The following HUNK variants were observed in gnomAD, a reference collection of about 807,000 sequenced individuals.
HUNK encodes the protein hormonally up-regulated Neu-associated kinase.
In HUNK, 21 loss-of-function variants were observed where a neutral mutation model predicts 61.0. The ratio of observed to expected loss-of-function variants is 0.34; its 90% CI spans 0.24 to 0.50. The LOEUF (loss-of-function observed/expected upper bound fraction) is 0.50, where lower values mean the gene tolerates loss of function less well. Ranked by LOEUF, HUNK falls within the 20% of genes least tolerant of loss-of-function variation. The probability of loss-of-function intolerance (pLI) is 0.98; values close to 1 mark genes in which losing one functional copy is unlikely to be tolerated. For synonymous variants in HUNK, 371 were observed against 386.1 expected (o/e 0.96, Z 0.46); for missense variants, 772 against 945.7 (o/e 0.82, Z 2.41).
rs200770333 is a variant in HUNK at position 31,954,778 on chromosome 21, TTTTTC to T, written c.747-4055_747-4051del. 9.5e-3 allele frequency among the ~76,000 whole-genome samples: 1,442 copies of T among 152,134 alleles called. 26 individuals are homozygous for T. The highest frequency in any genetic ancestry group is 0.03 in the African/African-American group (1,229 of 41,418). ...CATCCAGGAATGTGCGTTTTCTTTC[TTTTTC>T]TTTTCTTTTTTTTTAAGAGTCAGGG... is the stretch of plus-strand genomic sequence containing the variant. On this transcript the variant is annotated intron_variant, in intron 4 of 10. Transcript: ENST00000270112.
intron 1 of HUNK, among the ~76,000 whole-genome samples, chr21:31,911,110 ATTC>A (rs749177744): frequency 5.9e-5 from 9 of 152,184 alleles, no homozygotes; most frequent in Non-Finnish European, 1.0e-4. Context: ...TAGTTAATAG[ATTC>A]TTCTTCTTCC....
intron 8 of HUNK, among the ~76,000 whole-genome samples, chr21:31,985,387 T>G (rs1222771255): frequency 6.6e-6 from 1 of 152,174 alleles, no homozygotes; most frequent in Non-Finnish European, 1.5e-5. Context: ...TGGTGGTTAC[T>G]GGGGCCCACA....
intron 3 of HUNK, among the ~76,000 whole-genome samples, chr21:31,941,835 T>C (rs955292462): frequency 1.3e-5 from 2 of 152,118 alleles, no homozygotes; most frequent in African/African-American, 4.8e-5. Context: ...TTGGAAAATG[T>C]GGAGGTGACA....
chr21:31,877,756 G>A (rs973229256), intron 1 of HUNK, among the ~76,000 whole-genome samples: 6 of 152,122 alleles, frequency 3.9e-5, no homozygotes, highest in East Asian at 1.9e-4. Context: ...CAACAGTATG[G>A]GGTAATGACT....
At chr21:31,945,565 A>G (rs1016158393) in intron 3 of HUNK, among the ~76,000 whole-genome samples, 1 of 152,222 alleles carries the variant, frequency 6.6e-6, no homozygotes, top group African/African-American at 2.4e-5. Context: ...GTCAACTGTA[A>G]GTGGCTGGAT....
chr21:31,972,654 C>A (rs1247313838), intron 6 of HUNK, among the ~76,000 whole-genome samples: 1 of 152,166 alleles, frequency 6.6e-6, no homozygotes, highest in Non-Finnish European at 1.5e-5. Context: ...TGGTAGACCT[C>A]AAGTAGTTAT....
intron 2 of HUNK, among the ~76,000 whole-genome samples, chr21:31,926,946 C>G (rs1372074449): frequency 6.6e-6 from 1 of 151,778 alleles, no homozygotes; most frequent in Non-Finnish European, 1.5e-5. Context: ...TATTTGAAGG[C>G]CATTATTCTT....
chr21:31,945,787 T>TA (rs1192999055), intron 3 of HUNK, among the ~76,000 whole-genome samples: 2 of 151,850 alleles, frequency 1.3e-5, no homozygotes, highest in Middle Eastern at 3.2e-3. Context: ...CTGTTTGCTC[T>TA]AACTGGCTTT....
chr21:31,979,780 G>T (rs34836274), intron 7 of HUNK, among the ~76,000 whole-genome samples: 60,594 of 151,870 alleles, frequency 0.4, 12,771 homozygotes, highest in South Asian at 0.56. Flanking sequence ...CTCCCAAAGT[G>T]CTGGGATTAC....
chr21:31,940,398 A>G (rs1314580573), intron 3 of HUNK, among the ~76,000 whole-genome samples, 178 bp downstream of exon 3: 1 of 152,162 alleles, frequency 6.6e-6, no homozygotes, highest in African/African-American at 2.4e-5. Flanking sequence ...TCCTTGTCTT[A>G]TTCAAACTAT....
intron 7 of HUNK, among the ~76,000 whole-genome samples, chr21:31,982,212 TG>T (rs2053102521): frequency 6.6e-6 from 1 of 152,216 alleles, no homozygotes; most frequent in Non-Finnish European, 1.5e-5. Flanking sequence ...TTGCCTAGAG[TG>T]TGGATTCTCA....
chr21:31,880,072 G>A (rs1343396073), intron 1 of HUNK, among the ~76,000 whole-genome samples: 1 of 152,224 alleles, frequency 6.6e-6, no homozygotes, highest in East Asian at 1.9e-4. Context: ...GGAGGGGGAT[G>A]CCTCTGTGAA....
chr21:31,946,032 G>T lies in HUNK; in HGVS notation c.611-4G>T. Reference sequence around the variant, plus strand: ...GAGCTTGTTTTGTTCACCTCTCTTTGCAGACTTTGGTTTGAGCAACTGCGC... The same window carrying T: ...GAGCTTGTTTTGTTCACCTCTCTTTTCAGACTTTGGTTTGAGCAACTGCGC... On this transcript the variant is annotated splice_polypyrimidine_tract_variant and splice_region_variant and intron_variant, in intron 3 of 10. Transcript: ENST00000270112. The T allele has an allele frequency of 6.3e-7, 1 of 1,584,012 alleles. No homozygotes were observed. The highest frequency in any genetic ancestry group is 1.1e-5 in the South Asian group (1 of 88,286).
intron 1 of HUNK, among the ~76,000 whole-genome samples, chr21:31,913,658 G>GGT (rs953773381): frequency 6.6e-6 from 1 of 151,914 alleles, no homozygotes; most frequent in Non-Finnish European, 1.5e-5. Context: ...CTCAGGAAGA[G>GGT]GTGTGAGCAG....
At chr21:31,890,122 T>C (rs1482992534) in intron 1 of HUNK, among the ~76,000 whole-genome samples, 2 of 152,222 alleles carry the variant, frequency 1.3e-5, no homozygotes, top group Non-Finnish European at 2.9e-5. Flanking sequence ...GGCTCATATT[T>C]GATAGTTGCC....
At chr21:31,950,276 T>TGGGAAGAGGAAGGTGTCA (rs973349491) in intron 4 of HUNK, among the ~76,000 whole-genome samples, 3 of 152,014 alleles carry the variant, frequency 2.0e-5, no homozygotes, top group African/African-American at 7.3e-5. Flanking sequence ...GAACCAGCTA[T>TGGGAAGAGGAAGGTGTCA]GGGAAGAGGA....
chr21:31,894,641 A>C (rs879757589), intron 1 of HUNK, among the ~76,000 whole-genome samples: 6 of 152,180 alleles, frequency 3.9e-5, no homozygotes, highest in Non-Finnish European at 7.3e-5. Context: ...AATTAAAAAA[A>C]AGCACTTCCT....
At chr21:31,913,276 G>T (rs2052558737) in intron 1 of HUNK, among the ~76,000 whole-genome samples, 1 of 152,086 alleles carries the variant, frequency 6.6e-6, no homozygotes, top group Non-Finnish European at 1.5e-5. Context: ...GGGAATTGGG[G>T]TTGACCTGGC....
intron 1 of HUNK, 118 bp downstream of exon 1, chr21:31,874,053 C>A: frequency 1.4e-6 from 1 of 738,684 alleles, no homozygotes; most frequent in Admixed American, 4.3e-5. Flanking sequence ...GCGCCTTCCC[C>A]CTCCGCCCGG....
Sources: allele counts gnomAD v4.1 joint callset (sites outside exome capture counted in the v4.1 genomes callset), GRCh38; gene constraint gnomAD v4.1.1; transcripts MANE v1.5; gene names NCBI Gene and HGNC (gene_info 2026-07-23, HGNC 2026-07-21).